GALNT14: variants seen among roughly 807,000 people sequenced by gnomAD.
GALNT14 encodes UDP-GalNAc:polypeptide N-acetylgalactosaminyltransferase 14.
A neutral mutation model predicts 77.5 loss-of-function variants in GALNT14; 60 were observed. The ratio of observed to expected loss-of-function variants is 0.77; its 90% confidence interval spans 0.63 to 0.96. The LOEUF is 0.96. Ranked by LOEUF, GALNT14 falls within the 40% of genes least tolerant of loss-of-function variation. The pLI, the probability that GALNT14 is intolerant of heterozygous loss-of-function variation, is 0.00. For synonymous variants in GALNT14, 280 were observed against 281.7 expected (o/e 0.99, Z 0.06); for missense variants, 710 against 731.0 (o/e 0.97, Z 0.33).
rs140248415 is a variant in GALNT14 at position 30,955,415 on chromosome 2, G to A, written c.654+203C>T. 6.7e-4 allele frequency among the ~76,000 whole-genome samples: 102 copies of A among 152,236 alleles called. No homozygotes were observed. In the East Asian group the frequency reaches 0.012, roughly 18 times the overall value. Reference sequence around the variant, plus strand: ...GACAGTCCCAGTCACAACACATCCCGGTCCTTGCTCCACCACTGACTGCCA... The same window carrying A: ...GACAGTCCCAGTCACAACACATCCCAGTCCTTGCTCCACCACTGACTGCCA... On this transcript the variant is annotated intron_variant, in intron 6 of 14. Coordinates refer to ENST00000349752, the MANE Select transcript of GALNT14 (RefSeq NM_024572.4).
intron 6 of GALNT14, among the ~76,000 whole-genome samples, chr2:30,947,194 AT>A (rs1384309028): frequency 2.0e-5 from 3 of 152,052 alleles, no homozygotes; most frequent in Non-Finnish European, 4.4e-5. Context: ...TTCTCCTTTT[AT>A]TCTACATATG....
intron 1 of GALNT14, among the ~76,000 whole-genome samples, chr2:31,124,494 A>C (rs1014110961): frequency 6.6e-6 from 1 of 152,228 alleles, no homozygotes; most frequent in Non-Finnish European, 1.5e-5. Context: ...GTTGGGCAAG[A>C]TATTGGACCT....
At chr2:31,056,207 A>C (rs1573258594) in intron 1 of GALNT14, among the ~76,000 whole-genome samples, 2 of 152,188 alleles carry the variant, frequency 1.3e-5, no homozygotes, top group Admixed American at 6.5e-5. Context: ...AAGTGATTCC[A>C]AAGTAGGCAG....
intron 1 of GALNT14, among the ~76,000 whole-genome samples, chr2:31,038,712 C>A (rs533200005): frequency 6.6e-6 from 1 of 151,796 alleles, no homozygotes; most frequent in African/African-American, 2.4e-5. Flanking sequence ...AAGTTAAAAT[C>A]CCACGAAGCT....
intron 1 of GALNT14, among the ~76,000 whole-genome samples, chr2:31,086,612 C>T (rs878899061): frequency 2.0e-5 from 3 of 151,200 alleles, no homozygotes; most frequent in Admixed American, 6.6e-5. Context: ...ACTAAGAAAA[C>T]GCATGAAGAT....
At chr2:31,125,320 T>C in intron 1 of GALNT14, 1 of 1,147,500 alleles carries the variant, frequency 8.7e-7, no homozygotes, top group Non-Finnish European at 1.3e-6. Flanking sequence ...AGCATTGATT[T>C]CACAGAGATC....
chr2:30,973,222 C>T (rs1668463213), intron 2 of GALNT14, among the ~76,000 whole-genome samples: 1 of 152,178 alleles, frequency 6.6e-6, no homozygotes. Context: ...CTATGGATCC[C>T]AGGTGCAGGT....
At chr2:31,072,522 C>G (rs111396121) in intron 1 of GALNT14, among the ~76,000 whole-genome samples, 64 of 152,092 alleles carry the variant, frequency 4.2e-4, no homozygotes, top group African/African-American at 1.5e-3. Context: ...CTGTGGTTTG[C>G]TTGGAAAATT....
chr2:31,068,519 A>C (rs1268136776), intron 1 of GALNT14, among the ~76,000 whole-genome samples: 1 of 151,832 alleles, frequency 6.6e-6, no homozygotes, highest in Non-Finnish European at 1.5e-5. Context: ...AAAAAAAAAA[A>C]AAAAAAGAAA....
At chr2:30,902,797 A>G in the GALNT14 span, among the ~76,000 whole-genome samples, 1 of 152,160 alleles carries the variant, frequency 6.6e-6, no homozygotes, top group Non-Finnish European at 1.5e-5. Context: ...GGGAGCTCAA[A>G]GACAGGCACA....
chr2:30,913,015 T>C (rs538940422), intron 13 of GALNT14, among the ~76,000 whole-genome samples: 11 of 152,130 alleles, frequency 7.2e-5, no homozygotes, highest in African/African-American at 2.7e-4. Context: ...AGCTGAGAAA[T>C]TGGATTGACA....
At chr2:30,912,155 G>C (rs567679522) in intron 14 of GALNT14, 68 bp downstream of exon 14, 1 of 1,584,070 alleles carries the variant, frequency 6.3e-7, no homozygotes, top group South Asian at 1.1e-5. Flanking sequence ...CTGCTCATCA[G>C]ACTAAGCCCT....
At chr2:31,003,269 T>C (rs546156946) in intron 1 of GALNT14, among the ~76,000 whole-genome samples, 2 of 152,236 alleles carry the variant, frequency 1.3e-5, no homozygotes, top group Non-Finnish European at 2.9e-5. Context: ...CTTAAATAGT[T>C]TGATAGATAG....
intron 1 of GALNT14, among the ~76,000 whole-genome samples, chr2:31,074,218 T>G (rs958131016): frequency 6.6e-6 from 1 of 152,098 alleles, no homozygotes; most frequent in African/African-American, 2.4e-5. Flanking sequence ...GCACACGGCC[T>G]GCAGAGTCAG....
Position 31,088,409 on chromosome 2 carries a change from T to C in GALNT14, c.129+49549A>G, listed in dbSNP as rs375530658. Among the ~76,000 whole-genome samples the C allele has an allele frequency of 3.9e-5, 6 of 152,200 alleles. No homozygotes were observed. The East Asian group carries it at 1.2e-3, about 29-fold the overall frequency. On this transcript the variant is annotated intron_variant, in intron 1 of 14. Transcript: ENST00000349752. ...GTTTGGCCAATGGGATGTGCAGATA[T>C]GCCCTGAGTAGGACTTTGAAATGTG... is the stretch of plus-strand genomic sequence containing the variant.
chr2:30,895,580 C>T, the GALNT14 span, among the ~76,000 whole-genome samples: 2 of 152,208 alleles, frequency 1.3e-5, no homozygotes. Context: ...ATTAATCACG[C>T]TACTCAAAGG....
chr2:30,996,231 GA>G (rs1209169421), intron 1 of GALNT14, among the ~76,000 whole-genome samples: 1 of 152,030 alleles, frequency 6.6e-6, no homozygotes, highest in Non-Finnish European at 1.5e-5. Flanking sequence ...AAGGCCCAGA[GA>G]AAAAAAATCT....
chr2:31,058,286 C>T (rs1013490448), intron 1 of GALNT14, among the ~76,000 whole-genome samples: 6 of 152,130 alleles, frequency 3.9e-5, no homozygotes, highest in South Asian at 2.1e-4. Flanking sequence ...AAGGGAACCA[C>T]GGCACCCACC....
intron 1 of GALNT14, among the ~76,000 whole-genome samples, chr2:31,006,531 C>T (rs1450041738): frequency 6.6e-6 from 1 of 152,160 alleles, no homozygotes; most frequent in Non-Finnish European, 1.5e-5. Context: ...AGTGGAGGTG[C>T]TGGGATGAAA....
Sources: gnomAD v4.1 joint callset for allele counts (sites outside exome capture counted in the v4.1 genomes callset) on GRCh38, gnomAD v4.1.1 for gene constraint, MANE v1.5 for transcripts, NCBI Gene and HGNC (gene_info 2026-07-23, HGNC 2026-07-21) for gene names.